The following ATP5F1C variants were observed in gnomAD, a reference collection of about 807,000 sequenced individuals.
ATP5F1C encodes the protein ATP synthase F1 subunit gamma, also known as ATP synthase F(1) complex subunit gamma, mitochondrial.
A neutral mutation model predicts 37.4 loss-of-function variants in ATP5F1C; 22 were observed. The observed-to-expected ratio is 0.59, with a 90% CI of 0.42 to 0.84. The LOEUF (loss-of-function observed/expected upper bound fraction) is 0.84. Among genes scored for constraint, ATP5F1C ranks in the 40% least tolerant of loss-of-function variants. The pLI is 0.00. For missense variants in ATP5F1C, 286 were observed against 362.4 expected, an observed-to-expected ratio of 0.79 and a Z score of 1.71; for synonymous variants, 121 against 128.0, an observed-to-expected ratio of 0.95 and a Z score of 0.37.
intron 1 of ATP5F1C, among the ~76,000 whole-genome samples, chr10:7,793,269 G>A (rs1156666470): frequency 1.3e-5 from 2 of 152,102 alleles, no homozygotes; most frequent in Admixed American, 6.6e-5. Flanking sequence ...CCACCAGCAC[G>A]CCTGGCTAAT....
chr10:7,798,632 G>A (rs536478355), intron 3 of ATP5F1C, among the ~76,000 whole-genome samples: 28 of 152,308 alleles, frequency 1.8e-4, no homozygotes, highest in Middle Eastern at 3.4e-3. Flanking sequence ...TCGTGACCTT[G>A]TGATCCGCCC....
chr10:7,789,457 A>T (rs1029062581), intron 1 of ATP5F1C, among the ~76,000 whole-genome samples: 12 of 151,782 alleles, frequency 7.9e-5, no homozygotes, highest in African/African-American at 2.2e-4. Flanking sequence ...TTTTTCTCTA[A>T]TATGGAAAAA....
intron 5 of ATP5F1C, 49 bp downstream of exon 5, chr10:7,799,964 C>T (rs1263046500): frequency 6.2e-7 from 1 of 1,605,770 alleles, no homozygotes; most frequent in Non-Finnish European, 8.5e-7. Flanking sequence ...TGCTTTTGTT[C>T]ATATTTTGAA....
chr10:7,805,278 G>A (rs1836452569), intron 8 of ATP5F1C, among the ~76,000 whole-genome samples: 1 of 152,118 alleles, frequency 6.6e-6, no homozygotes, highest in Admixed American at 6.5e-5. Context: ...ATTTGTTCTT[G>A]GATCTTAAGT....
In ATP5F1C at chr10:7,796,689, G is replaced by A. The variant is rs546283466; in HGVS notation, c.92-358G>A. On this transcript the variant is annotated intron_variant, in intron 2 of 9. Coordinates refer to ENST00000356708, the MANE Select transcript of ATP5F1C (RefSeq NM_001001973.3). ...AAGCTCCGCCTCCCGGGTTCACGCC[G>A]TTCTCCTGCCTCAGCCTCCCGAGTA... 2.1e-4 allele frequency: 34 copies of A among 159,608 alleles called. No individual in the cohort carries two copies. The South Asian group carries it at 3.5e-3, about 16-fold the overall frequency. The allele number at this position is 159,608 out of a possible 1,614,324, so 9.9% of individuals were successfully genotyped here.
At chr10:7,803,334 G>A (rs1260717835) in intron 8 of ATP5F1C, among the ~76,000 whole-genome samples, 1 of 152,046 alleles carries the variant, frequency 6.6e-6, no homozygotes, top group East Asian at 1.9e-4. Context: ...ATTGGTTCCA[G>A]TACTCACTCT....
chr10:7,804,631 A>G (rs1043963844), intron 8 of ATP5F1C, among the ~76,000 whole-genome samples: 2 of 152,196 alleles, frequency 1.3e-5, no homozygotes, highest in Non-Finnish European at 2.9e-5. Context: ...CATTTAGCTT[A>G]GCTCTTACAG....
intron 1 of ATP5F1C, among the ~76,000 whole-genome samples, chr10:7,788,723 CAG>C (rs1488138647): frequency 6.6e-6 from 1 of 152,048 alleles, no homozygotes; most frequent in African/African-American, 2.4e-5. Context: ...TAGTGCTGGA[CAG>C]AGTGACCCTT....
intron 8 of ATP5F1C, 92 bp downstream of exon 8, chr10:7,802,946 T>G (rs952520169): frequency 9.1e-7 from 1 of 1,094,434 alleles, no homozygotes. Context: ...CGTTTTTTTC[T>G]TTTGAAGTTG....
Position 7,800,389 on chromosome 10 carries a change from G to C in ATP5F1C, c.637+298G>C, listed in dbSNP as rs181376294. Among the ~76,000 whole-genome samples, 550 of 151,746 alleles carry C rather than the reference G, an allele frequency of 3.6e-3. 6 individuals carry two copies. Among genetic ancestry groups the C allele is most frequent in the African/African-American group, 0.013 (517 of 41,342 alleles). On this transcript the variant is annotated intron_variant, in intron 6 of 9. Transcript: ENST00000356708. ...TTTTTGTATTTTTAGTAGAGACGGG[G>C]TTTCACCATGTTAGCCAGGATGGTC...
intron 8 of ATP5F1C, among the ~76,000 whole-genome samples, chr10:7,805,914 C>T (rs1326599960): frequency 1.3e-5 from 2 of 151,862 alleles, no homozygotes; most frequent in Non-Finnish European, 2.9e-5. Flanking sequence ...TAGCAAGACC[C>T]CATCTCTACA....
intron 4 of ATP5F1C, chr10:7,799,404 A>G: frequency 5.2e-6 from 3 of 576,614 alleles, no homozygotes; most frequent in Non-Finnish European, 6.1e-6. Context: ...CCTGTTTTCT[A>G]CCTTTGCTTC....
intron 1 of ATP5F1C, among the ~76,000 whole-genome samples, chr10:7,793,358 T>A (rs559448246): frequency 6.6e-6 from 1 of 152,344 alleles, no homozygotes; most frequent in African/African-American, 2.4e-5. Flanking sequence ...GTGATCCGCC[T>A]GCCTCGGCCT....
intron 2 of ATP5F1C, 57 bp from the exon 3 acceptor site, chr10:7,796,990 T>G: frequency 6.4e-7 from 1 of 1,564,324 alleles, no homozygotes; most frequent in Admixed American, 1.9e-5. Context: ...GTCAATAAAT[T>G]CACAAGGAAG....
chr10:7,800,784 T>C (rs902595344), intron 6 of ATP5F1C, among the ~76,000 whole-genome samples: 2 of 152,212 alleles, frequency 1.3e-5, no homozygotes, highest in African/African-American at 2.4e-5. Context: ...CATGAGCCAC[T>C]GCACCCGGCC....
intron 8 of ATP5F1C, chr10:7,804,258 A>G (rs558331381): frequency 3.9e-5 from 20 of 513,780 alleles, no homozygotes; most frequent in South Asian, 2.8e-4. Context: ...TTATGAGGAA[A>G]ATAACAAAAT....
At chr10:7,791,178 T>C (rs149998765) in intron 1 of ATP5F1C, among the ~76,000 whole-genome samples, 1 of 152,192 alleles carries the variant, frequency 6.6e-6, no homozygotes, top group African/African-American at 2.4e-5. Flanking sequence ...TACGCACCTG[T>C]AGTCCCAGCT....
rs556404871 is a variant in ATP5F1C at position 7,800,020 on chromosome 10, A to G, written c.573-7A>G. 12 of 1,613,148 alleles carry G rather than the reference A, an allele frequency of 7.4e-6. No individual in the cohort carries two copies. Among genetic ancestry groups the G allele is most frequent in the Admixed American group, 1.7e-5 (1 of 59,872 alleles). On this transcript the variant is annotated splice_polypyrimidine_tract_variant and splice_region_variant and intron_variant, in intron 5 of 9. Transcript: ENST00000356708. ...TTGAGATTTACATTTGTTTTTGTCAATTCTAGGTCTGTCATCTCCTATAAG... is the reference window on the plus strand; with the variant it reads ...TTGAGATTTACATTTGTTTTTGTCAGTTCTAGGTCTGTCATCTCCTATAAG...
chr10:7,793,214 C>T (rs1429019667), intron 1 of ATP5F1C, among the ~76,000 whole-genome samples: 2 of 152,186 alleles, frequency 1.3e-5, no homozygotes, highest in Non-Finnish European at 2.9e-5. Flanking sequence ...TGGGTTCAAG[C>T]GATTCTTCTG....
Sources: gnomAD v4.1 joint callset for allele counts (sites outside exome capture counted in the v4.1 genomes callset) on GRCh38, gnomAD v4.1.1 for gene constraint, MANE v1.5 for transcripts, NCBI Gene and HGNC (gene_info 2026-07-23, HGNC 2026-07-21) for gene names.